Variants in PUDP observed in about 807,000 individuals in gnomAD.
The protein encoded by PUDP is pseudouridine-5'-phosphatase.
PUDP carries 8 observed loss-of-function variants against 9.4 expected under a neutral mutation model. That is an observed-to-expected ratio of 0.85 (90% CI 0.50 to 1.53). The LOEUF (loss-of-function observed/expected upper bound fraction) is 1.53, where lower values mean the gene tolerates loss of function less well. Ranked by LOEUF, PUDP falls within the 40% of genes most tolerant of loss-of-function variation. The pLI is 0.00. For missense variants in PUDP, 188 were observed against 189.7 expected (o/e 0.99, Z 0.05); for synonymous variants, 99 against 80.7 (o/e 1.23, Z -1.22).
intron 1 of PUDP, among the ~76,000 whole-genome samples, chrX:6,720,240 A>G (rs867297137): frequency 2.9e-3 from 162 of 55,641 alleles, no homozygotes; most frequent in African/African-American, 0.012. Context: ...GTGTGTATAT[A>G]TGTATGTGTG....
At chrX:7,141,090 A>C (rs1932791278) in intron 1 of PUDP, among the ~76,000 whole-genome samples, 1 of 111,804 alleles carries the variant, frequency 8.9e-6, no homozygotes. Context: ...ACTAATATTG[A>C]AATCAGGCTA....
chrX:6,821,016 T>A (rs1054950878), intron 3 of PUDP, among the ~76,000 whole-genome samples: 1 of 111,204 alleles, frequency 9.0e-6, no homozygotes, highest in Admixed American at 9.5e-5. Flanking sequence ...TCCAGGCATT[T>A]CCATTCATCT....
chrX:6,949,227 T>A (rs981864376), intron 3 of PUDP, among the ~76,000 whole-genome samples: 4 of 112,195 alleles, frequency 3.6e-5, no homozygotes, highest in Non-Finnish European at 7.5e-5. Flanking sequence ...TTGCTTTCCA[T>A]GAGAAGTCCA....
chrX:7,130,980 T>C (rs923670783), intron 1 of PUDP, among the ~76,000 whole-genome samples: 4 of 111,812 alleles, frequency 3.6e-5, no homozygotes, highest in African/African-American at 1.3e-4. Flanking sequence ...CTATGTCAGT[T>C]TTCTTCATGG....
At chrX:7,092,558 T>C (rs1931453159) in intron 2 of PUDP, among the ~76,000 whole-genome samples, 2 of 112,088 alleles carry the variant, frequency 1.8e-5, no homozygotes, top group African/African-American at 6.5e-5. Context: ...TATTAAAGTC[T>C]TGCTCTTACA....
intron 3 of PUDP, among the ~76,000 whole-genome samples, chrX:7,066,750 C>T (rs1235015519): frequency 8.9e-6 from 1 of 111,787 alleles, no homozygotes; most frequent in East Asian, 2.8e-4. Flanking sequence ...TGGTTTACAA[C>T]TTCGGGGAAG....
At chrX:6,753,019 T>C (rs1414565655) in intron 3 of PUDP, among the ~76,000 whole-genome samples, 1 of 111,274 alleles carries the variant, frequency 9.0e-6, no homozygotes, top group Non-Finnish European at 1.9e-5. Flanking sequence ...TTTAAGTGCC[T>C]AGACATTTAT....
chrX:7,140,435 A>G (rs1932784275), intron 1 of PUDP, among the ~76,000 whole-genome samples: 1 of 111,526 alleles, frequency 9.0e-6, no homozygotes, highest in African/African-American at 3.3e-5. Flanking sequence ...CAGTCGCCTG[A>G]GCATCTATAT....
At chrX:6,882,162 T>C (rs1927356381) in intron 3 of PUDP, among the ~76,000 whole-genome samples, 1 of 110,154 alleles carries the variant, frequency 9.1e-6, no homozygotes, top group Admixed American at 9.7e-5. Context: ...TTAGTGGAGA[T>C]GGGGAATCTC....
chrX:7,084,541 G>A (rs1931207639), intron 2 of PUDP, among the ~76,000 whole-genome samples: 2 of 111,695 alleles, frequency 1.8e-5, no homozygotes, highest in South Asian at 3.8e-4. Context: ...GCTGGCTGTG[G>A]GGGTGTGAGG....
At chrX:6,715,217 A>G (rs367748272) in intron 1 of PUDP, among the ~76,000 whole-genome samples, 6 of 111,382 alleles carry the variant, frequency 5.4e-5, no homozygotes, top group African/African-American at 1.6e-4. Context: ...ATGATAGATC[A>G]TGATCATTTT....
At chrX:6,731,151 C>A (rs192217387) in intron 3 of PUDP, among the ~76,000 whole-genome samples, 165 of 112,123 alleles carry the variant, frequency 1.5e-3, no homozygotes, top group African/African-American at 5.0e-3. Flanking sequence ...TTCACTGCAG[C>A]CTTGAACTTC....
intron 1 of PUDP, among the ~76,000 whole-genome samples, chrX:7,143,278 T>A (rs1932814981): frequency 8.9e-6 from 1 of 112,025 alleles, no homozygotes; most frequent in Non-Finnish European, 1.9e-5. Flanking sequence ...TTCATGTGAC[T>A]AATTTTATTG....
Position 7,038,100 on chromosome X carries a change from T to C in PUDP, c.204+39120A>G, listed in dbSNP as rs184783490. ...CCACATTCAATTCTAAGCTATTTGA[T>C]TGAAATGCACCAGAGGATGCAGATA... On this transcript the variant is annotated intron_variant and NMD_transcript_variant, in intron 1 of 3. Coordinates refer to the PUDP transcript ENST00000655425. Among the ~76,000 whole-genome samples, 127 of 106,912 alleles carry C rather than the reference T, an allele frequency of 1.2e-3. 1 individual carries two copies. The highest frequency in any genetic ancestry group is 3.6e-3 in the African/African-American group (109 of 30,090). 92.8% of individuals were successfully genotyped at this position (106,912 alleles called of 115,157 possible). A position where few individuals can be genotyped will look rare whatever the true frequency, so the allele number is the denominator to read the frequency against.
At chrX:6,822,661 G>A (rs960098836) in intron 3 of PUDP, among the ~76,000 whole-genome samples, 2 of 107,732 alleles carry the variant, frequency 1.9e-5, no homozygotes, top group African/African-American at 3.4e-5. Context: ...TCCTGACCTC[G>A]TGATCCACCC....
chrX:6,939,587 G>C (rs929954836), intron 3 of PUDP, among the ~76,000 whole-genome samples: 1 of 110,221 alleles, frequency 9.1e-6, no homozygotes, highest in African/African-American at 3.3e-5. Flanking sequence ...TCTGAGGCCA[G>C]GTGCAGTGGC....
intron 1 of PUDP, among the ~76,000 whole-genome samples, chrX:6,985,068 G>A (rs180847853): frequency 8.9e-6 from 1 of 111,789 alleles, no homozygotes; most frequent in African/African-American, 3.3e-5. Context: ...ACCAAACTAA[G>A]GGTCAGGCTG....
At chrX:7,126,873 T>TG (rs1932499022) in intron 1 of PUDP, among the ~76,000 whole-genome samples, 2 of 111,346 alleles carry the variant, frequency 1.8e-5, no homozygotes, top group Non-Finnish European at 1.9e-5. Flanking sequence ...TAATGGAAGG[T>TG]GCTATCTTAA....
rs1930053297 is a variant in PUDP, at chrX:7,050,081, T to C, written c.*215A>G. 2.9e-5 allele frequency: 11 copies of C among 380,248 alleles called. No individual in the cohort carries two copies. The East Asian group carries it at 3.3e-4, about 11-fold the overall frequency. 31.3% of individuals were successfully genotyped at this position (380,248 alleles called of 1,213,427 possible). Reference sequence around the variant, plus strand: ...AGTTTCATCTTTGTTCTGGGCTTCGTTTCTGTCTCTACTGTATTTTTTGTC... The same window carrying C: ...AGTTTCATCTTTGTTCTGGGCTTCGCTTCTGTCTCTACTGTATTTTTTGTC... On this transcript the variant is annotated 3_prime_UTR_variant, in exon 4 of 4. Coordinates refer to ENST00000381077, the MANE Select transcript of PUDP (RefSeq NM_012080.5).
Sources: gnomAD v4.1 joint callset for allele counts (sites outside exome capture counted in the v4.1 genomes callset) on GRCh38, gnomAD v4.1.1 for gene constraint, MANE v1.5 for transcripts, NCBI Gene and HGNC (gene_info 2026-07-23, HGNC 2026-07-21) for gene names.